The following MEAK7 variants were observed in gnomAD, a reference collection of about 807,000 sequenced individuals.
MEAK7 encodes the protein MTOR associated protein MEAK7.
In MEAK7, 68 loss-of-function variants were observed where a neutral mutation model predicts 40.5. The observed-to-expected ratio is 1.68, with a 90% confidence interval of 1.38 to 2.06. The LOEUF (loss-of-function observed/expected upper bound fraction) is 2.06, where lower values mean the gene tolerates loss of function less well. MEAK7 is among the 30% of genes most tolerant of loss of function. The pLI is 0.00. For missense variants in MEAK7, 918 were observed against 580.5 expected (o/e 1.58, Z -5.98); for synonymous variants, 338 against 231.9 (o/e 1.46, Z -4.16).
Position 84,486,873 on chromosome 16 carries a change from C to A in MEAK7, c.716G>T (p.Gly239Val), listed in dbSNP as rs200299607. 1 of 1,614,038 alleles carries A rather than the reference C, an allele frequency of 6.2e-7. No individual in the cohort carries two copies. Among genetic ancestry groups the A allele is most frequent in the African/African-American group, 1.3e-5 (1 of 74,904 alleles). Residue 239 changes from glycine to valine, a missense_variant, in exon 5 of 8, where the codon GGC becomes GTC. By Grantham distance (109) the Gly-to-Val change is moderately radical. Transcript: ENST00000343629. ...ATCCAGGATGCTCTCAAAACCCCTG[C>A]CCTGGTCCACTTGACGCTCAGGGAC... ...TLVPERQVDQ[G>V]RGFESILDVL...
At chr16:84,486,408 G>A (rs771684978) in intron 5 of MEAK7, 24 of 1,335,932 alleles carry the variant, frequency 1.8e-5, no homozygotes, top group Admixed American at 3.6e-5. Context: ...AACTGGGCCC[G>A]TGTCCTCGCC....
rs375163222 is a variant in MEAK7 at position 84,479,965 on chromosome 16, C to G, written c.1319G>C (p.Ser440Thr). The change falls in exon 8 of 8, where the codon AGT (serine) becomes ACT (threonine). Residue 440 changes from serine to threonine, a missense_variant. By Grantham distance (58) the Ser-to-Thr change is moderately conservative. Coordinates refer to ENST00000343629, the MANE Select transcript of MEAK7 (RefSeq NM_020947.4). ...DPEAQALLEI[S>T]GHSRHSEGLR... ...CCCTTCGCTGTGGCGCGAATGCCCA[C>G]TGATCTCCAGCAGGGCCTGGGCCTC... The G allele has an allele frequency of 9.3e-6, 15 of 1,610,020 alleles. No individual in the cohort carries two copies. The African/African-American group carries it at 1.1e-4, about 11-fold the overall frequency.
At chr16:84,492,111 C>T (rs1220656285) in intron 3 of MEAK7, among the ~76,000 whole-genome samples, 2 of 151,924 alleles carry the variant, frequency 1.3e-5, no homozygotes, top group Admixed American at 1.3e-4. Flanking sequence ...CCCTCTAGGC[C>T]CAGGGACTAT....
intron 1 of MEAK7, among the ~76,000 whole-genome samples, chr16:84,501,437 T>A (rs1914497644): frequency 6.6e-6 from 1 of 151,616 alleles, no homozygotes; most frequent in Non-Finnish European, 1.5e-5. Flanking sequence ...AGAAACAGGC[T>A]CCCCCACTGT....
At chr16:84,490,158 A>C (rs1273978418) in intron 3 of MEAK7, among the ~76,000 whole-genome samples, 1 of 151,672 alleles carries the variant, frequency 6.6e-6, no homozygotes, top group Non-Finnish European at 1.5e-5. Flanking sequence ...TTCTGTTTTT[A>C]TTGTTTCAGT....
rs1415729873 is a variant in MEAK7, at chr16:84,479,362, T to G, written c.*551A>C. The G allele has an allele frequency of 6.6e-6, 1 of 152,284 alleles. No homozygotes were observed. The highest frequency in any genetic ancestry group is 1.9e-4 in the East Asian group (1 of 5,166). 9.4% of individuals were successfully genotyped at this position (152,284 alleles called of 1,614,324 possible). A position where few individuals can be genotyped will look rare whatever the true frequency, so the allele number is the denominator to read the frequency against. ...AACCCCAGCGGGAGGAACCCCCTCCTCAATAGAGAAGTTGAGATCCCAGCA... is the reference window on the plus strand; with the variant it reads ...AACCCCAGCGGGAGGAACCCCCTCCGCAATAGAGAAGTTGAGATCCCAGCA... On this transcript the variant is annotated 3_prime_UTR_variant, in exon 8 of 8. Coordinates refer to ENST00000343629, the MANE Select transcript of MEAK7 (RefSeq NM_020947.4).
At chr16:84,491,878 T>G (rs1391361763) in intron 3 of MEAK7, among the ~76,000 whole-genome samples, 6 of 152,098 alleles carry the variant, frequency 3.9e-5, no homozygotes, top group Non-Finnish European at 7.4e-5. Context: ...CAGATTTAAA[T>G]TTTTTTAAAT....
At chr16:84,480,057 C>T in intron 7 of MEAK7, 31 bp from the exon 8 acceptor site, 2 of 1,516,396 alleles carry the variant, frequency 1.3e-6, no homozygotes, top group Admixed American at 1.9e-5. Flanking sequence ...TGGGTGTGTT[C>T]CATGATGGCC....
At chr16:84,490,804 C>T (rs983131090) in intron 3 of MEAK7, among the ~76,000 whole-genome samples, 1 of 151,794 alleles carries the variant, frequency 6.6e-6, no homozygotes, top group Non-Finnish European at 1.5e-5. Context: ...TTTGCTTCTG[C>T]GTGTCTCTCC....
intron 2 of MEAK7, among the ~76,000 whole-genome samples, chr16:84,496,870 T>G (rs918515672): frequency 9.2e-5 from 14 of 152,180 alleles, no homozygotes; most frequent in Admixed American, 5.2e-4. Context: ...TTCTAGATTC[T>G]AGCAGCTGCC....
chr16:84,498,997 G>A (rs1431479557), intron 1 of MEAK7, among the ~76,000 whole-genome samples: 3 of 152,246 alleles, frequency 2.0e-5, no homozygotes, highest in Non-Finnish European at 2.9e-5. Context: ...GAAGATTGCC[G>A]TGATTATCAA....
chr16:84,498,396 G>A (rs191248951), intron 1 of MEAK7, among the ~76,000 whole-genome samples: 3 of 152,030 alleles, frequency 2.0e-5, no homozygotes, highest in African/African-American at 7.2e-5. Context: ...AGCCTCCTGA[G>A]TAGCTGGGAC....
At position 84,480,532 on chromosome 16, in the gene MEAK7, C is replaced by G. The variant is rs1346837530; in HGVS notation, c.1254G>C (p.Gln418His). ...VWAVGDPSEE[Q>H]LAKGNKSILD... ...TGCAGAGGACAGCTCCACTCACCAA[C>G]TGCTCCTCTGAGGGGTCTCCAACCG... is the stretch of plus-strand genomic sequence containing the variant. Residue 418 changes from glutamine to histidine, a missense_variant, in exon 7 of 8, where the codon CAG (glutamine) becomes CAC (histidine). Physicochemically the swap from Gln to His is conservative, Grantham distance 24 (BLOSUM62 0). Coordinates refer to ENST00000343629, the MANE Select transcript of MEAK7 (RefSeq NM_020947.4). 2.5e-6 allele frequency: 4 copies of G among 1,606,802 alleles called. No homozygotes were observed. The Admixed American group carries it at 5.1e-5, about 20-fold the overall frequency.
chr16:84,483,328 C>A (rs981264461), intron 5 of MEAK7, among the ~76,000 whole-genome samples: 1 of 152,236 alleles, frequency 6.6e-6, no homozygotes, highest in Non-Finnish European at 1.5e-5. Context: ...TCCTCCACTC[C>A]ATAAGCACCT....
intron 6 of MEAK7, among the ~76,000 whole-genome samples, chr16:84,481,376 T>G (rs1042605815): frequency 3.9e-5 from 6 of 152,178 alleles, no homozygotes; most frequent in African/African-American, 1.4e-4. Context: ...TGCCCAGAGT[T>G]GACACGCGGA....
chr16:84,496,062 GCC>G (rs1914021225), intron 2 of MEAK7, 149 bp from the exon 3 acceptor site: 2 of 780,064 alleles, frequency 2.6e-6, no homozygotes, highest in Non-Finnish European at 4.0e-6. Flanking sequence ...TTCTTGTAAA[GCC>G]CCGTCTCTTA....
chr16:84,480,604 C>G lies in MEAK7; in HGVS notation c.1182G>C (p.Gln394His). 6.2e-7 allele frequency: 1 copy of G among 1,614,118 alleles called. No homozygotes were observed. Among genetic ancestry groups the G allele is most frequent in the Non-Finnish European group, 8.5e-7 (1 of 1,179,990 alleles). Residue 394 changes from glutamine (Q) to histidine (H), a missense_variant, in exon 7 of 8, where the codon CAG becomes CAC. Transcript: ENST00000343629. ...KPTCTTYNSP[Q>H]LSAQENFQFD... The stretch of plus-strand genomic sequence containing the variant: ...ACTGGAAGTTCTCCTGAGCCGACAG[C>G]TGCGGGCTGTTGTACGTGGTGCACG...
chr16:84,481,868 A>C (rs535339521), intron 6 of MEAK7, among the ~76,000 whole-genome samples: 1 of 152,124 alleles, frequency 6.6e-6, no homozygotes, highest in Non-Finnish European at 1.5e-5. Flanking sequence ...TGGGAGGCGG[A>C]GCTTGCAGTG....
chr16:84,486,720 C>T lies in MEAK7; in HGVS notation c.869G>A (p.Gly290Glu), dbSNP rs1257550036. The part of the protein sequence containing the change: ...SQLCGHITHR[G>E]PCVAVLEDHD... ...GTCCTCGAGGACAGCCACACAGGGT[C>T]CCCGGTGAGTGATGTGGCCACAGAG... is the stretch of plus-strand genomic sequence containing the variant. The change falls in exon 5 of 8, where the codon GGA becomes GAA. Residue 290 changes from glycine (G) to glutamate (E), a missense_variant. By Grantham distance (98) the Gly-to-Glu change is moderately conservative. Transcript: ENST00000343629. 1.9e-6 allele frequency: 3 copies of T among 1,613,472 alleles called. No individual in the cohort carries two copies. The highest frequency in any genetic ancestry group is 2.5e-6 in the Non-Finnish European group (3 of 1,179,538).
Sources: allele counts gnomAD v4.1 joint callset (sites outside exome capture counted in the v4.1 genomes callset), GRCh38; gene constraint gnomAD v4.1.1; transcripts MANE v1.5; gene names NCBI Gene and HGNC (gene_info 2026-07-23, HGNC 2026-07-21).